The following FMN2 variants were observed in gnomAD, a reference collection of about 807,000 sequenced individuals.
FMN2 encodes formin-2.
FMN2 carries 51 observed loss-of-function variants against 142.3 expected under a neutral mutation model. The observed-to-expected ratio is 0.36, with a 90% CI of 0.29 to 0.45. FMN2 has a LOEUF of 0.45. Among genes scored for constraint, FMN2 ranks in the 20% least tolerant of loss-of-function variants. The pLI is 1.00. For synonymous variants in FMN2, 882 were observed against 869.8 expected (o/e 1.01, Z -0.25); for missense variants, 1,936 against 2,122.8 (o/e 0.91, Z 1.73).
chr1:240,199,394 A>ATTAACTTT (rs1666046169), intron 4 of FMN2, among the ~76,000 whole-genome samples: 1 of 152,244 alleles, frequency 6.6e-6, no homozygotes, highest in Admixed American at 6.5e-5. Context: ...AGTTTCAAAG[A>ATTAACTTT]TGAGCAAATT....
Position 240,378,737 on chromosome 1 carries a change from T to G in FMN2, c.4859-13774T>G, listed in dbSNP as rs142453631. ...TTATTTTCCTCTGCAGTGTCTAATC[T>G]TACGTGATTTCCATTCAGTGGACTT... On this transcript the variant is annotated intron_variant, in intron 14 of 17. Transcript: ENST00000319653. 1.5e-3 allele frequency among the ~76,000 whole-genome samples: 230 copies of G among 152,364 alleles called. 1 individual carries two copies. Among genetic ancestry groups the G allele is most frequent in the African/African-American group, 5.3e-3 (221 of 41,590 alleles).
intron 2 of FMN2, among the ~76,000 whole-genome samples, chr1:240,154,129 A>AAAGG (rs3047194): frequency 9.8e-6 from 1 of 102,154 alleles, no homozygotes; most frequent in African/African-American, 3.3e-5. Flanking sequence ...AAAAAAAAAA[A>AAAGG]AAGTGTTACT....
At chr1:240,287,217 G>A (rs1486396861) in intron 7 of FMN2, among the ~76,000 whole-genome samples, 1 of 152,146 alleles carries the variant, frequency 6.6e-6, no homozygotes, top group African/African-American at 2.4e-5. Context: ...CTTACAAAAT[G>A]TAGTTTCCTG....
At chr1:240,412,768 GC>G (rs1674441273) in intron 15 of FMN2, among the ~76,000 whole-genome samples, 1 of 152,104 alleles carries the variant, frequency 6.6e-6, no homozygotes, top group African/African-American at 2.4e-5. Flanking sequence ...GAAATGCAAT[GC>G]TTCCGGAGAA....
At chr1:240,460,066 G>A (rs759559828) in intron 16 of FMN2, among the ~76,000 whole-genome samples, 27 of 152,318 alleles carry the variant, frequency 1.8e-4, no homozygotes, top group Admixed American at 2.6e-4. Context: ...TCAGGAGAAT[G>A]TGGTGGTTGT....
intron 15 of FMN2, 146 bp downstream of exon 15, chr1:240,392,708 A>G (rs567938397): frequency 6.7e-6 from 4 of 601,020 alleles, no homozygotes; most frequent in African/African-American, 5.6e-5. Flanking sequence ...TAAATCTACA[A>G]TGAATTTCTG....
chr1:240,094,253 T>G (rs1661122370), intron 1 of FMN2, among the ~76,000 whole-genome samples: 1 of 152,224 alleles, frequency 6.6e-6, no homozygotes, highest in Non-Finnish European at 1.5e-5. Context: ...GTAGTTTCTA[T>G]CTTGCAGCAG....
intron 16 of FMN2, among the ~76,000 whole-genome samples, chr1:240,451,571 A>G (rs968977512): frequency 6.6e-6 from 1 of 152,062 alleles, no homozygotes; most frequent in African/African-American, 2.4e-5. Flanking sequence ...CCAGCAAGCC[A>G]TGTTAGAGAG....
At chr1:240,295,224 ACT>A (rs1669933511) in intron 8 of FMN2, among the ~76,000 whole-genome samples, 6 of 133,290 alleles carry the variant, frequency 4.5e-5, no homozygotes, top group Admixed American at 4.1e-4. Flanking sequence ...ACACACACAC[ACT>A]CACACACACT....
At chr1:240,294,475 G>A (rs181203461) in intron 7 of FMN2, among the ~76,000 whole-genome samples, 3 of 152,204 alleles carry the variant, frequency 2.0e-5, no homozygotes, top group Non-Finnish European at 4.4e-5. Context: ...ATATAAAACT[G>A]GGATGTAGCA....
Position 240,473,331 on chromosome 1 carries a change from G to A in FMN2, c.5143-797G>A, listed in dbSNP as rs1284195681. Among the ~76,000 whole-genome samples, 1 of 152,136 alleles carries A rather than the reference G, an allele frequency of 6.6e-6. No individual in the cohort carries two copies. Among genetic ancestry groups the A allele is most frequent in the Non-Finnish European group, 1.5e-5 (1 of 68,014 alleles). On this transcript the variant is annotated intron_variant, in intron 17 of 17. Transcript: ENST00000319653. The surrounding 1 kb of genome is among the most constrained non-coding windows in gnomAD (Gnocchi z 4.3). ...ACAAAATGCCAGGTTATCCACCCTG[G>A]GAGGGAAGGGCTTGGTTAAAATGAC... is the stretch of plus-strand genomic sequence containing the variant.
chr1:240,128,345 C>T (rs1449760116), intron 2 of FMN2, among the ~76,000 whole-genome samples: 2 of 152,182 alleles, frequency 1.3e-5, no homozygotes, highest in East Asian at 1.9e-4. Context: ...TTAACAAGCT[C>T]TTCTAGGATT....
intron 15 of FMN2, chr1:240,400,731 C>T (rs894264330): frequency 6.6e-6 from 1 of 152,176 alleles, no homozygotes; most frequent in Non-Finnish European, 1.5e-5. Context: ...CTTTAGAACC[C>T]AAAGCCTCAG....
At chr1:240,254,805 G>A (rs887010281) in intron 6 of FMN2, among the ~76,000 whole-genome samples, 18 of 152,290 alleles carry the variant, frequency 1.2e-4, no homozygotes, top group African/African-American at 4.1e-4. Context: ...CCCTGGCTGC[G>A]GTTGGAGGAT....
intron 2 of FMN2, among the ~76,000 whole-genome samples, chr1:240,125,274 C>T (rs1662450007): frequency 6.6e-6 from 1 of 152,200 alleles, no homozygotes; most frequent in African/African-American, 2.4e-5. Flanking sequence ...AAAGAAAATT[C>T]CCCATGTTGT....
At chr1:240,385,921 C>T (rs1321674339) in intron 14 of FMN2, among the ~76,000 whole-genome samples, 1 of 152,124 alleles carries the variant, frequency 6.6e-6, no homozygotes, top group Non-Finnish European at 1.5e-5. Flanking sequence ...AAATAACCCT[C>T]AGTATTAAAT....
At chr1:240,391,074 A>T (rs2103096190) in intron 14 of FMN2, among the ~76,000 whole-genome samples, 1 of 152,050 alleles carries the variant, frequency 6.6e-6, no homozygotes, top group South Asian at 2.1e-4. Context: ...ATAAAACAAT[A>T]TGTTCGTGCT....
intron 17 of FMN2, among the ~76,000 whole-genome samples, chr1:240,472,712 C>G (rs187618396): frequency 6.6e-6 from 1 of 151,724 alleles, no homozygotes; most frequent in Non-Finnish European, 1.5e-5. Context: ...TTTGGGAGGC[C>G]GAGGTGGGCG....
At chr1:240,428,233 CTT>C (rs112012945) in intron 15 of FMN2, among the ~76,000 whole-genome samples, 12 of 143,098 alleles carry the variant, frequency 8.4e-5, no homozygotes, top group African/African-American at 1.8e-4. Context: ...AACATTTCGC[CTT>C]TTTTTTTTTT....
Sources: gnomAD v4.1 joint callset for allele counts (sites outside exome capture counted in the v4.1 genomes callset) on GRCh38, gnomAD v4.1.1 for gene constraint, Gnocchi (gnomAD v3.1) non-coding constraint, MANE v1.5 for transcripts, NCBI Gene and HGNC (gene_info 2026-07-23, HGNC 2026-07-21) for gene names.